TGS1: variants seen among roughly 807,000 people sequenced by gnomAD.
The protein encoded by TGS1 is trimethylguanosine synthase.
In TGS1, 69 loss-of-function variants were observed where a neutral mutation model predicts 92.2. The ratio of observed to expected loss-of-function variants is 0.75; its 90% CI spans 0.62 to 0.91. TGS1 has a LOEUF of 0.91. Among genes scored for constraint, TGS1 ranks in the 40% least tolerant of loss-of-function variants. TGS1 has a pLI of 0.00. For synonymous variants in TGS1, 345 were observed against 338.1 expected, an observed-to-expected ratio of 1.02 and a Z score of -0.22; for missense variants, 1,062 against 1,001.2, an observed-to-expected ratio of 1.06 and a Z score of -0.82.
rs12155701 is a variant in TGS1 at position 55,802,624 on chromosome 8, T to C, written c.1999+18T>C. On this transcript the variant is annotated intron_variant, in intron 9 of 12. Coordinates refer to ENST00000260129, the MANE Select transcript of TGS1 (RefSeq NM_024831.8). ...GGACAGAGGTAAAGTATATATGTAT[T>C]TTTTAGCTTTATTTTGAAACCACTT... 0.037 allele frequency: 58,843 copies of C among 1,577,932 alleles called. 1,466 individuals are homozygous for C. Among genetic ancestry groups the C allele is most frequent in the Non-Finnish European group, 0.041 (47,791 of 1,165,306 alleles).
chr8:55,807,038 C>G (rs908191931), intron 10 of TGS1, among the ~76,000 whole-genome samples: 12 of 152,040 alleles, frequency 7.9e-5, no homozygotes, highest in Admixed American at 2.0e-4. Context: ...ATGCCATTCT[C>G]CTGCCTCAGC....
intron 10 of TGS1, among the ~76,000 whole-genome samples, chr8:55,807,012 T>A (rs1173484031): frequency 2.6e-5 from 4 of 151,686 alleles, no homozygotes; most frequent in Non-Finnish European, 4.4e-5. Flanking sequence ...CACTGCAAAC[T>A]CCGCCTCCCG....
intron 1 of TGS1, among the ~76,000 whole-genome samples, chr8:55,781,766 C>T (rs1443767938): frequency 6.6e-6 from 1 of 152,224 alleles, no homozygotes; most frequent in Non-Finnish European, 1.5e-5. Flanking sequence ...AGCAAGTACA[C>T]TAGAATTTTA....
At chr8:55,808,566 T>C (rs1585785398) in intron 10 of TGS1, among the ~76,000 whole-genome samples, 1 of 151,000 alleles carries the variant, frequency 6.6e-6, no homozygotes, top group African/African-American at 2.4e-5. Context: ...TGGAGTGCAG[T>C]GGCACATTCT....
rs1203670071 is a variant in TGS1 at position 55,814,672 on chromosome 8, A to ATATATAT, written c.2439+1554_2439+1555insTATATAT. On this transcript the variant is annotated intron_variant, in intron 12 of 12. Transcript: ENST00000260129. ...CCCGTCTCTACTTAAAAAAAAAAAA[A>ATATATAT]AAATATATATATATATATATATATA... 2.1e-3 allele frequency among the ~76,000 whole-genome samples: 266 copies of ATATATAT among 126,718 alleles called. 1 individual carries two copies. The highest frequency in any genetic ancestry group is 8.5e-3 in the African/African-American group (252 of 29,528). 83.1% of individuals were successfully genotyped at this position (126,718 alleles called of 152,430 possible). A position where few individuals can be genotyped will look rare whatever the true frequency, so the allele number is the denominator to read the frequency against.
In TGS1 at chr8:55,807,506, G is replaced by T. The variant is rs535335671; in HGVS notation, c.2143+2470G>T. Among the ~76,000 whole-genome samples the T allele has an allele frequency of 5.7e-3, 787 of 138,720 alleles. 8 individuals are homozygous for T. The highest frequency in any genetic ancestry group is 0.056 in the Middle Eastern group (16 of 286). 91.0% of individuals were successfully genotyped at this position (138,720 alleles called of 152,430 possible). A position where few individuals can be genotyped will look rare whatever the true frequency, so the allele number is the denominator to read the frequency against. On this transcript the variant is annotated intron_variant, in intron 10 of 12. Transcript: ENST00000260129. ...GATATAGCTGGGTCATAAAGCAGGG[G>T]TTTTTTTTTTTTTGCTTTTTTCTTG...
intron 10 of TGS1, among the ~76,000 whole-genome samples, chr8:55,810,198 C>T (rs1409553950): frequency 6.6e-6 from 1 of 152,174 alleles, no homozygotes; most frequent in Non-Finnish European, 1.5e-5. Context: ...CACAGTAGTG[C>T]ACATGCAAGT....
chr8:55,786,281 A>G lies in TGS1; in HGVS notation c.383A>G (p.Lys128Arg). The G allele has an allele frequency of 6.5e-7, 1 of 1,527,292 alleles. No homozygotes were observed. 94.6% of individuals were successfully genotyped at this position (1,527,292 alleles called of 1,614,324 possible). Reference sequence around the variant, plus strand: ...AATAAAGTTAAAATAAAAAAGAAAAAACATCAAAAGAAATACTTAGATGAA... The same window carrying G: ...AATAAAGTTAAAATAAAAAAGAAAAGACATCAAAAGAAATACTTAGATGAA... The part of the protein sequence containing the change: ...TRNKVKIKKK[K>R]HQKKYLDEIV... The change falls in exon 4 of 13, where the codon AAA (lysine) becomes AGA (arginine). Residue 128 changes from lysine to arginine, a missense_variant. Transcript: ENST00000260129.
chr8:55,790,977 T>TCC (rs773912922), intron 5 of TGS1, among the ~76,000 whole-genome samples: 1 of 151,830 alleles, frequency 6.6e-6, no homozygotes, highest in Non-Finnish European at 1.5e-5. Context: ...TCTCTCTCTC[T>TCC]CTCTCTCTCT....
Position 55,802,614 on chromosome 8 carries a change from AT to A in TGS1, c.1999+9del, listed in dbSNP as rs537521045. ...GGATTAAGTTGGACAGAGGTAAAGT[AT>A]ATATGTATTTTTTAGCTTTATTTTG... On this transcript the variant is annotated intron_variant, in intron 9 of 12. Coordinates refer to ENST00000260129, the MANE Select transcript of TGS1 (RefSeq NM_024831.8). The A allele has an allele frequency of 4.0e-5, 63 of 1,586,194 alleles. No individual in the cohort carries two copies. The highest frequency in any genetic ancestry group is 5.3e-5 in the Non-Finnish European group (62 of 1,170,784).
At chr8:55,813,479 A>G (rs2130236303) in intron 12 of TGS1, among the ~76,000 whole-genome samples, 1 of 152,302 alleles carries the variant, frequency 6.6e-6, no homozygotes, top group East Asian at 1.9e-4. Context: ...AGATTTGATG[A>G]TATCTTCATT....
At position 55,825,002 on chromosome 8, in the gene TGS1, G is replaced by A; in HGVS notation, c.*299G>A. Reference sequence around the variant, plus strand: ...AGTGCCATGATCACAGCTCACTGCAGGTTCAGCCTTCTGAGTTCAAGCAAT... The same window carrying A: ...AGTGCCATGATCACAGCTCACTGCAAGTTCAGCCTTCTGAGTTCAAGCAAT... On this transcript the variant is annotated 3_prime_UTR_variant, in exon 13 of 13. Coordinates refer to ENST00000260129, the MANE Select transcript of TGS1 (RefSeq NM_024831.8). The A allele has an allele frequency of 4.4e-6, 1 of 226,416 alleles. No homozygotes were observed. The highest frequency in any genetic ancestry group is 8.7e-6 in the Non-Finnish European group (1 of 115,156). The allele number at this position is 226,416 out of a possible 1,614,324, so 14.0% of individuals were successfully genotyped here. A position where few individuals can be genotyped will look rare whatever the true frequency, so the allele number is the denominator to read the frequency against.
chr8:55,802,354 T>G (rs1812241639), intron 8 of TGS1, 103 bp from the exon 9 acceptor site: 1 of 954,688 alleles, frequency 1.0e-6, no homozygotes, highest in South Asian at 1.6e-5. Context: ...TATATACATG[T>G]TCTGCTTGTA....
intron 12 of TGS1, 110 bp from the exon 13 acceptor site, chr8:55,824,471 A>C: frequency 7.0e-7 from 1 of 1,420,434 alleles, no homozygotes; most frequent in Non-Finnish European, 9.6e-7. Context: ...TCATTATTCA[A>C]AGGACTTAAA....
At chr8:55,812,609 C>T (rs765132446) in intron 11 of TGS1, among the ~76,000 whole-genome samples, 1 of 151,542 alleles carries the variant, frequency 6.6e-6, no homozygotes, top group Non-Finnish European at 1.5e-5. Flanking sequence ...ATCTCTTGAA[C>T]CCAGGAGGAG....
At position 55,792,397 on chromosome 8, in the gene TGS1, G is replaced by A. The variant is rs189668922; in HGVS notation, c.1281-301G>A. 8.5e-4 allele frequency among the ~76,000 whole-genome samples: 129 copies of A among 152,188 alleles called. No individual in the cohort carries two copies. In the Middle Eastern group the frequency reaches 0.01, roughly 12 times the overall value. ...ATTTAAGGCTGCAGCTTTTACTGAT[G>A]TTTTTCCAAAGGAAAATTGAGAGAT... On this transcript the variant is annotated intron_variant, in intron 5 of 12. Coordinates refer to ENST00000260129, the MANE Select transcript of TGS1 (RefSeq NM_024831.8).
chr8:55,773,597 G>C lies in TGS1; in HGVS notation c.-22G>C, dbSNP rs759177021. ...GGCGCGACCCGGGCTGCGTACGTCAGAGCTGCCTCCGAAGTGGTAAAATGT... is the reference window on the plus strand; with the variant it reads ...GGCGCGACCCGGGCTGCGTACGTCACAGCTGCCTCCGAAGTGGTAAAATGT... On this transcript the variant is annotated 5_prime_UTR_variant, in exon 1 of 13. Transcript: ENST00000260129. 2 of 1,599,730 alleles carry C rather than the reference G, an allele frequency of 1.3e-6. No individual in the cohort carries two copies. Among genetic ancestry groups the C allele is most frequent in the African/African-American group, 1.3e-5 (1 of 74,422 alleles).
chr8:55,813,463 A>G (rs1803390634), intron 12 of TGS1, among the ~76,000 whole-genome samples: 1 of 152,244 alleles, frequency 6.6e-6, no homozygotes, highest in Non-Finnish European at 1.5e-5. Context: ...CTCAAAAAAA[A>G]TAGAGAGATT....
intron 12 of TGS1, among the ~76,000 whole-genome samples, chr8:55,817,425 C>T (rs1384510632): frequency 6.6e-6 from 1 of 152,126 alleles, no homozygotes; most frequent in Non-Finnish European, 1.5e-5. Context: ...ATATGAAAAA[C>T]TATTAGGTAA....
Sources: gnomAD v4.1 joint callset for allele counts (sites outside exome capture counted in the v4.1 genomes callset) on GRCh38, gnomAD v4.1.1 for gene constraint, MANE v1.5 for transcripts, NCBI Gene and HGNC (gene_info 2026-07-23, HGNC 2026-07-21) for gene names.